Variants in FSTL5 observed in about 807,000 individuals in gnomAD.
The protein encoded by FSTL5 is follistatin-related protein 5.
Under a neutral mutation model 89.1 loss-of-function variants are expected in FSTL5, and 62 were observed. The ratio of observed to expected loss-of-function variants is 0.70; its 90% CI spans 0.57 to 0.86. The LOEUF is 0.86. FSTL5 is among the 40% of genes least tolerant of loss of function. FSTL5 has a pLI of 0.00. For missense variants in FSTL5, 1,057 were observed against 1,001.6 expected (o/e 1.06, Z -0.75); for synonymous variants, 383 against 346.2 (o/e 1.11, Z -1.18).
At chr4:161,694,963 A>G (rs887233448) in intron 6 of FSTL5, among the ~76,000 whole-genome samples, 7 of 150,600 alleles carry the variant, frequency 4.6e-5, no homozygotes, top group African/African-American at 1.5e-4. Flanking sequence ...TCTTAAATGC[A>G]TGGCTCCTAT....
At chr4:161,527,604 C>G (rs1483141625) in intron 10 of FSTL5, among the ~76,000 whole-genome samples, 1 of 152,010 alleles carries the variant, frequency 6.6e-6, no homozygotes, top group Non-Finnish European at 1.5e-5. Context: ...GATACCATCT[C>G]ACACCAGTTA....
intron 4 of FSTL5, among the ~76,000 whole-genome samples, chr4:161,784,522 T>C (rs1468524659): frequency 3.3e-5 from 5 of 152,090 alleles, no homozygotes; most frequent in Non-Finnish European, 5.9e-5. Context: ...CTAAACATCT[T>C]CTCCACTAAT....
At chr4:161,507,548 A>ATGTGT (rs1426382999) in intron 11 of FSTL5, among the ~76,000 whole-genome samples, 1 of 151,780 alleles carries the variant, frequency 6.6e-6, no homozygotes, top group Non-Finnish European at 1.5e-5. Context: ...AATGTTTTCA[A>ATGTGT]TGTGTTTTAA....
chr4:161,786,319 T>C (rs1741902474), intron 4 of FSTL5, among the ~76,000 whole-genome samples: 1 of 152,098 alleles, frequency 6.6e-6, no homozygotes, highest in Admixed American at 6.5e-5. Flanking sequence ...ATATCTTGTA[T>C]GTAAGTGGGC....
chr4:161,451,336 T>A (rs1733156826), intron 15 of FSTL5, among the ~76,000 whole-genome samples: 1 of 152,178 alleles, frequency 6.6e-6, no homozygotes, highest in Non-Finnish European at 1.5e-5. Flanking sequence ...CAGTCATGAT[T>A]TACTTTATGA....
intron 6 of FSTL5, among the ~76,000 whole-genome samples, chr4:161,709,856 C>T: frequency 6.6e-6 from 1 of 151,752 alleles, no homozygotes; most frequent in East Asian, 1.9e-4. Flanking sequence ...CTTTTTTGAA[C>T]CTCTAGAGTG....
At chr4:162,152,833 G>A (rs774410741) in intron 1 of FSTL5, among the ~76,000 whole-genome samples, 5 of 151,136 alleles carry the variant, frequency 3.3e-5, no homozygotes, top group Non-Finnish European at 5.9e-5. Context: ...GAATTTAGTT[G>A]CAACATGCTC....
intron 7 of FSTL5, among the ~76,000 whole-genome samples, chr4:161,589,082 G>A (rs1168287406): frequency 2.0e-5 from 3 of 150,056 alleles, no homozygotes; most frequent in African/African-American, 7.4e-5. Context: ...TCTGCCTCCC[G>A]GGTTCAATCA....
intron 13 of FSTL5, among the ~76,000 whole-genome samples, chr4:161,460,211 T>C (rs1210360216): frequency 6.6e-6 from 1 of 151,954 alleles, no homozygotes; most frequent in African/African-American, 2.4e-5. Context: ...CCTTAGAGAA[T>C]TTTCTTTTTT....
At chr4:161,655,359 C>T (rs753069413) in intron 7 of FSTL5, among the ~76,000 whole-genome samples, 3 of 151,876 alleles carry the variant, frequency 2.0e-5, no homozygotes, top group Admixed American at 6.6e-5. Context: ...GCATAGATGA[C>T]TTCATGGGAG....
intron 7 of FSTL5, among the ~76,000 whole-genome samples, chr4:161,609,178 C>T (rs943758745): frequency 3.3e-5 from 5 of 152,046 alleles, no homozygotes; most frequent in African/African-American, 1.2e-4. Flanking sequence ...ACACAGTGTT[C>T]AATGGGCATT....
At chr4:161,643,217 G>C (rs1484812385) in intron 7 of FSTL5, among the ~76,000 whole-genome samples, 1 of 152,090 alleles carries the variant, frequency 6.6e-6, no homozygotes, top group Non-Finnish European at 1.5e-5. Context: ...GCCCATTCTT[G>C]TTCCACTATC....
chr4:161,610,847 T>A (rs1734608025), intron 7 of FSTL5, among the ~76,000 whole-genome samples: 1 of 152,110 alleles, frequency 6.6e-6, no homozygotes, highest in Middle Eastern at 3.4e-3. Flanking sequence ...GTAATTTATA[T>A]CTGGTAATTT....
intron 4 of FSTL5, among the ~76,000 whole-genome samples, chr4:161,795,582 C>T (rs1193929894): frequency 1.3e-5 from 2 of 152,058 alleles, no homozygotes; most frequent in Non-Finnish European, 2.9e-5. Flanking sequence ...GGTACTATAG[C>T]GAAGCAAACA....
Position 161,499,998 on chromosome 4 carries a change from A to T in FSTL5, c.1458+18T>A. Reference sequence around the variant, plus strand: ...AAATTTCTGCATAAAACGTCAAAGGAACTTTTTAGATACTTGCCTGAAATC... The same window carrying T: ...AAATTTCTGCATAAAACGTCAAAGGTACTTTTTAGATACTTGCCTGAAATC... On this transcript the variant is annotated intron_variant, in intron 12 of 15. Coordinates refer to ENST00000306100, the MANE Select transcript of FSTL5 (RefSeq NM_020116.5). The T allele has an allele frequency of 2.1e-6, 3 of 1,454,710 alleles. No homozygotes were observed. Among genetic ancestry groups the T allele is most frequent in the South Asian group, 2.3e-5 (2 of 85,258 alleles). The allele number at this position is 1,454,710 out of a possible 1,614,324, so 90.1% of individuals were successfully genotyped here.
intron 3 of FSTL5, among the ~76,000 whole-genome samples, chr4:161,967,934 A>G (rs1218523868): frequency 6.6e-6 from 1 of 152,100 alleles, no homozygotes; most frequent in Non-Finnish European, 1.5e-5. Flanking sequence ...TAAACTAGAT[A>G]ATTTCCCCCA....
chr4:161,966,946 C>CA (rs908607159), intron 3 of FSTL5, among the ~76,000 whole-genome samples: 43 of 151,312 alleles, frequency 2.8e-4, no homozygotes, highest in African/African-American at 7.0e-4. Context: ...GCTTTAAATA[C>CA]AAAAAAAACC....
intron 4 of FSTL5, among the ~76,000 whole-genome samples, chr4:161,809,910 T>G (rs546630097): frequency 1.6e-4 from 25 of 152,292 alleles, no homozygotes; most frequent in African/African-American, 6.0e-4. Context: ...TGAGGCGTGA[T>G]GATAGCCACA....
At position 161,709,981 on chromosome 4, in the gene FSTL5, T is replaced by C. The variant is rs532722473; in HGVS notation, c.727+49430A>G. Among the ~76,000 whole-genome samples the C allele has an allele frequency of 2.6e-5, 4 of 152,208 alleles. No individual in the cohort carries two copies. The East Asian group carries it at 5.8e-4, about 22-fold the overall frequency. On this transcript the variant is annotated intron_variant, in intron 6 of 15. Transcript: ENST00000306100. ...ACTTACATTTTTCTGGTGGTAGTTG[T>C]TTTTTGAGACAGGATCTCCCTCTGT... is the stretch of plus-strand genomic sequence containing the variant.
Sources: allele counts gnomAD v4.1 joint callset (sites outside exome capture counted in the v4.1 genomes callset), GRCh38; gene constraint gnomAD v4.1.1; transcripts MANE v1.5; gene names NCBI Gene and HGNC (gene_info 2026-07-23, HGNC 2026-07-21).